The following ATOSA variants were observed in gnomAD, a reference collection of about 807,000 sequenced individuals.
The protein encoded by ATOSA is atos homolog A.
At chr15:52,601,961 C>T in the ATOSA span, among the ~76,000 whole-genome samples, 1 of 152,174 alleles carries the variant, frequency 6.6e-6, no homozygotes, top group Admixed American at 6.5e-5. Context: ...AATTTTCAAT[C>T]TAAACCCTCA....
the ATOSA span, among the ~76,000 whole-genome samples, chr15:52,677,734 A>G: frequency 3.9e-5 from 6 of 152,220 alleles, no homozygotes; most frequent in African/African-American, 1.4e-4. Context: ...GTATTGTGGC[A>G]ACAGATACAA....
chr15:52,709,428 C>T, the ATOSA span, among the ~76,000 whole-genome samples: 1 of 152,314 alleles, frequency 6.6e-6, no homozygotes, highest in African/African-American at 2.4e-5. Flanking sequence ...TACCCCAAAG[C>T]TCTAATTCTA....
chr15:52,603,967 G>A, the ATOSA span, among the ~76,000 whole-genome samples: 2 of 152,310 alleles, frequency 1.3e-5, no homozygotes, highest in South Asian at 4.2e-4. Context: ...ATATTTAAAA[G>A]TAAGAGTGAA....
the ATOSA span, among the ~76,000 whole-genome samples, chr15:52,622,679 G>A: frequency 3.9e-5 from 6 of 152,146 alleles, no homozygotes; most frequent in African/African-American, 1.2e-4. Flanking sequence ...CATTTCAGCT[G>A]AGATCTGAAT....
chr15:52,657,578 G>A, the ATOSA span: 60 of 152,174 alleles, frequency 3.9e-4, 1 homozygote, highest in East Asian at 0.011. Context: ...AACAAACTTC[G>A]GAGAGAACAT....
the ATOSA span, among the ~76,000 whole-genome samples, chr15:52,669,358 A>G: frequency 1.3e-5 from 2 of 152,328 alleles, no homozygotes; most frequent in South Asian, 4.1e-4. Context: ...TATGATATAG[A>G]CCTTTAAAGT....
the ATOSA span, chr15:52,610,216 A>G: frequency 6.2e-6 from 10 of 1,613,898 alleles, no homozygotes; most frequent in African/African-American, 1.3e-5. Context: ...ATAAAGGCCA[A>G]TATTAGTGTG....
At chr15:52,624,392 C>G in the ATOSA span, among the ~76,000 whole-genome samples, 3 of 152,176 alleles carry the variant, frequency 2.0e-5, no homozygotes, top group Non-Finnish European at 4.4e-5. Flanking sequence ...CCAGAATTTA[C>G]AGAAGCCATC....
chr15:52,647,346 C>T, the ATOSA span, among the ~76,000 whole-genome samples: 1 of 152,084 alleles, frequency 6.6e-6, no homozygotes. Flanking sequence ...CAGCTCAAAG[C>T]AATGAAAATA....
chr15:52,649,999 T>C, the ATOSA span: 1 of 152,210 alleles, frequency 6.6e-6, no homozygotes, highest in African/African-American at 2.4e-5. Context: ...AGCCTTTCTC[T>C]TGGAGGCTCT....
At chr15:52,615,835 C>T in the ATOSA span, among the ~76,000 whole-genome samples, 18 of 152,308 alleles carry the variant, frequency 1.2e-4, no homozygotes, top group African/African-American at 3.6e-4. Context: ...ACCTTCTACA[C>T]GTCAACTGAT....
At chr15:52,662,570 A>G in the ATOSA span, among the ~76,000 whole-genome samples, 5 of 152,244 alleles carry the variant, frequency 3.3e-5, no homozygotes, top group Admixed American at 6.5e-5. Context: ...GGAGATCGAG[A>G]CCATCCTGGC....
chr15:52,693,467 A>G, the ATOSA span, among the ~76,000 whole-genome samples: 3 of 152,204 alleles, frequency 2.0e-5, no homozygotes, highest in African/African-American at 7.2e-5. Context: ...AACTAATAGA[A>G]TTTAGTACTG....
At chr15:52,598,974 G>A in the ATOSA span, among the ~76,000 whole-genome samples, 1 of 152,064 alleles carries the variant, frequency 6.6e-6, no homozygotes. Flanking sequence ...CTCCCACTTT[G>A]CCTACCACTA....
the ATOSA span, chr15:52,679,474 A>G: frequency 6.6e-6 from 1 of 152,380 alleles, no homozygotes; most frequent in Non-Finnish European, 1.5e-5. Flanking sequence ...GCGCCCGGTT[A>G]CTATGGCAAT....
At chr15:52,695,278 T>G in the ATOSA span, among the ~76,000 whole-genome samples, 1 of 152,208 alleles carries the variant, frequency 6.6e-6, no homozygotes, top group African/African-American at 2.4e-5. Context: ...GCTAAAGTAC[T>G]CTCTGAACAA....
the ATOSA span, among the ~76,000 whole-genome samples, chr15:52,635,353 C>T: frequency 6.6e-5 from 10 of 152,180 alleles, no homozygotes; most frequent in Non-Finnish European, 1.5e-4. Context: ...AAAACATTTA[C>T]CATGATAGAT....
chr15:52,624,918 C>A, the ATOSA span, among the ~76,000 whole-genome samples: 7 of 151,884 alleles, frequency 4.6e-5, no homozygotes, highest in African/African-American at 1.7e-4. Flanking sequence ...GCTGGGATTA[C>A]AGGCACTTGC....
At chr15:52,637,585 GTC>G in the ATOSA span, among the ~76,000 whole-genome samples, 1 of 151,992 alleles carries the variant, frequency 6.6e-6, no homozygotes, top group East Asian at 1.9e-4. Context: ...TCTTTCACTG[GTC>G]TCTCTGCATC....
Sources: gnomAD v4.1 joint callset for allele counts (sites outside exome capture counted in the v4.1 genomes callset) on GRCh38, gnomAD v4.1.1 for gene constraint, MANE v1.5 for transcripts, NCBI Gene and HGNC (gene_info 2026-07-23, HGNC 2026-07-21) for gene names.